Variants in GPC5 observed in about 807,000 individuals in gnomAD.
GPC5 encodes glypican-5.
A neutral mutation model predicts 53.9 loss-of-function variants in GPC5; 47 were observed. The ratio of observed to expected loss-of-function variants is 0.87; its 90% CI spans 0.69 to 1.11. The LOEUF is 1.11. Among genes scored for constraint, GPC5 ranks in the 50% most tolerant of loss-of-function variants. GPC5 has a pLI of 0.00. For missense variants in GPC5, 748 were observed against 713.1 expected (o/e 1.05, Z -0.56); for synonymous variants, 286 against 263.3 (o/e 1.09, Z -0.84).
intron 7 of GPC5, among the ~76,000 whole-genome samples, chr13:92,652,582 T>C (rs1284038245): frequency 6.6e-6 from 1 of 152,150 alleles, no homozygotes; most frequent in African/African-American, 2.4e-5. Context: ...CTGGGCAGAT[T>C]TGGACTGTGT....
At chr13:92,033,954 C>A (rs1250227861) in intron 6 of GPC5, among the ~76,000 whole-genome samples, 1 of 151,928 alleles carries the variant, frequency 6.6e-6, no homozygotes. Flanking sequence ...TTTGTAATAA[C>A]CAATAATTTT....
At chr13:91,458,480 A>G (rs1297359955) in intron 2 of GPC5, among the ~76,000 whole-genome samples, 9 of 152,160 alleles carry the variant, frequency 5.9e-5, no homozygotes, top group Non-Finnish European at 2.9e-5. Context: ...TAGATATACA[A>G]ATGATGAACA....
chr13:91,970,052 T>G (rs762078108), intron 6 of GPC5, among the ~76,000 whole-genome samples: 4 of 152,092 alleles, frequency 2.6e-5, no homozygotes, highest in Non-Finnish European at 5.9e-5. Context: ...AAAGAAAATG[T>G]GCTAGATACA....
intron 2 of GPC5, among the ~76,000 whole-genome samples, chr13:91,524,381 CAACATTAAGA>C (rs1466797146): frequency 6.6e-6 from 1 of 151,900 alleles, no homozygotes; most frequent in Non-Finnish European, 1.5e-5. Context: ...GATGCAGTTA[CAACATTAAGA>C]TATCAAAATT....
chr13:91,564,997 G>GGGGGC (rs1555324952), intron 2 of GPC5, among the ~76,000 whole-genome samples: 59 of 149,664 alleles, frequency 3.9e-4, no homozygotes, highest in African/African-American at 1.4e-3. Context: ...TTTTTTTGGG[G>GGGGGC]GGGGGTCGGT....
chr13:91,794,698 C>A (rs2038020501), intron 5 of GPC5, among the ~76,000 whole-genome samples: 1 of 152,178 alleles, frequency 6.6e-6, no homozygotes, highest in Non-Finnish European at 1.5e-5. Context: ...TAACGTCTAG[C>A]AAGTGAGTCT....
At chr13:92,119,446 T>C (rs1312691970) in intron 6 of GPC5, among the ~76,000 whole-genome samples, 3 of 129,860 alleles carry the variant, frequency 2.3e-5, no homozygotes, top group Admixed American at 9.4e-5. Context: ...TCACCCAAGC[T>C]GGAGTGCAGT....
Position 92,852,783 on chromosome 13 carries a change from CCTA to C in GPC5, c.1562-13496_1562-13494del, listed in dbSNP as rs561722936. On this transcript the variant is annotated intron_variant, in intron 7 of 7. Transcript: ENST00000377067. ...GCAGTTTGTGTCTCCACACCTGTGT[CCTA>C]CTGCTCTGGTGAGCTTTGAAGCATA... Among the ~76,000 whole-genome samples the C allele has an allele frequency of 1.3e-4, 20 of 152,268 alleles. No individual in the cohort carries two copies. The South Asian group carries it at 3.9e-3, about 30-fold the overall frequency.
intron 7 of GPC5, among the ~76,000 whole-genome samples, chr13:92,555,205 C>G (rs888640024): frequency 6.6e-6 from 1 of 151,226 alleles, no homozygotes; most frequent in African/African-American, 2.4e-5. Flanking sequence ...CTACCAAATT[C>G]TCACTATGAA....
chr13:92,857,315 A>G (rs180799018), intron 7 of GPC5, among the ~76,000 whole-genome samples: 1 of 152,234 alleles, frequency 6.6e-6, no homozygotes, highest in Admixed American at 6.5e-5. Context: ...ACAAAAATTA[A>G]CCGAAAATGG....
chr13:91,488,592 C>T (rs1399993384), intron 2 of GPC5, among the ~76,000 whole-genome samples: 1 of 152,182 alleles, frequency 6.6e-6, no homozygotes, highest in African/African-American at 2.4e-5. Flanking sequence ...GGACACTTAC[C>T]ACTTCCCCAA....
intron 3 of GPC5, among the ~76,000 whole-genome samples, chr13:91,715,845 C>G (rs2139932482): frequency 6.6e-6 from 1 of 151,228 alleles, no homozygotes; most frequent in South Asian, 2.1e-4. Context: ...TTGAACAGGG[C>G]TCACTGTAGT....
chr13:91,587,421 C>T (rs1016237909), intron 2 of GPC5, among the ~76,000 whole-genome samples: 3 of 151,970 alleles, frequency 2.0e-5, no homozygotes, highest in African/African-American at 7.3e-5. Flanking sequence ...GTATTGTTGT[C>T]CTCATATAAA....
chr13:91,860,921 C>A (rs2039020870), intron 5 of GPC5, among the ~76,000 whole-genome samples: 1 of 152,128 alleles, frequency 6.6e-6, no homozygotes, highest in Non-Finnish European at 1.5e-5. Flanking sequence ...ATTCAATATA[C>A]TGTTTTCCTT....
chr13:91,555,454 A>T (rs1207124388), intron 2 of GPC5, among the ~76,000 whole-genome samples: 1 of 6,600 alleles, frequency 1.5e-4, no homozygotes, highest in Non-Finnish European at 5.6e-4. Context: ...ATATAGAAGG[A>T]TGTTTTCTGG....
rs544341560 is a variant in GPC5, at chr13:92,165,527, T to G, written c.1561+20538T>G. 3.9e-5 allele frequency among the ~76,000 whole-genome samples: 6 copies of G among 152,176 alleles called. No homozygotes were observed. The South Asian group carries it at 1.2e-3, about 32-fold the overall frequency. On this transcript the variant is annotated intron_variant, in intron 7 of 7. Coordinates refer to ENST00000377067, the MANE Select transcript of GPC5 (RefSeq NM_004466.6). ...GGGTGACAGGAGAGAGAATGAGAGA[T>G]GTGGAGCAAAGGAGGGAAAAGCCCC...
intron 7 of GPC5, among the ~76,000 whole-genome samples, chr13:92,314,878 G>A (rs1028788447): frequency 6.6e-6 from 1 of 152,012 alleles, no homozygotes; most frequent in African/African-American, 2.4e-5. Flanking sequence ...ATGCTCAAGC[G>A]ATTCTCCCAC....
chr13:91,708,943 T>G (rs1030812154), intron 3 of GPC5, among the ~76,000 whole-genome samples: 2 of 152,224 alleles, frequency 1.3e-5, no homozygotes, highest in Admixed American at 1.3e-4. Flanking sequence ...TAAAAAAAAG[T>G]TCTCATATAT....
At chr13:92,704,009 T>A (rs1887857289) in intron 7 of GPC5, among the ~76,000 whole-genome samples, 1 of 152,070 alleles carries the variant, frequency 6.6e-6, no homozygotes, top group African/African-American at 2.4e-5. Flanking sequence ...GATAAAATTG[T>A]ATTCTAATAT....
Sources: gnomAD v4.1 joint callset for allele counts (sites outside exome capture counted in the v4.1 genomes callset) on GRCh38, gnomAD v4.1.1 for gene constraint, MANE v1.5 for transcripts, NCBI Gene and HGNC (gene_info 2026-07-23, HGNC 2026-07-21) for gene names.